The following PDE1C variants were observed in gnomAD, a reference collection of about 807,000 sequenced individuals.
PDE1C encodes the protein dual specificity calcium/calmodulin-dependent 3',5'-cyclic nucleotide phosphodiesterase 1C.
Under a neutral mutation model 93.1 loss-of-function variants are expected in PDE1C, and 62 were observed. The observed-to-expected ratio is 0.67, with a 90% CI of 0.54 to 0.82. The LOEUF (loss-of-function observed/expected upper bound fraction) is 0.82, where lower values mean the gene tolerates loss of function less well. Among genes scored for constraint, PDE1C ranks in the 40% least tolerant of loss-of-function variants. PDE1C has a pLI of 0.00. For missense variants in PDE1C, 742 were observed against 884.6 expected (o/e 0.84, Z 2.04); for synonymous variants, 325 against 310.1 (o/e 1.05, Z -0.50).
chr7:32,182,678 C>A (rs79941662), intron 2 of PDE1C, among the ~76,000 whole-genome samples: 4,052 of 152,222 alleles, frequency 0.027, 79 homozygotes, highest in Admixed American at 0.064. Flanking sequence ...CTATGATAAA[C>A]CCACAGGCAA....
intron 1 of PDE1C, among the ~76,000 whole-genome samples, chr7:32,236,612 G>A (rs1808101865): frequency 6.6e-6 from 1 of 152,138 alleles, no homozygotes; most frequent in South Asian, 2.1e-4. Flanking sequence ...ATACTACTCT[G>A]TATCTCAGGC....
Position 32,099,537 on chromosome 7 carries a change from G to A in PDE1C, c.308+70248C>T, listed in dbSNP as rs143786722. Among the ~76,000 whole-genome samples, 817 of 152,202 alleles carry A rather than the reference G, an allele frequency of 5.4e-3. 6 individuals are homozygous for A. The highest frequency in any genetic ancestry group is 0.019 in the African/African-American group (773 of 41,528). On this transcript the variant is annotated intron_variant, in intron 3 of 18. Coordinates refer to the PDE1C transcript ENST00000396193. ...GCCATCTTTTTCATGTTCTGTACAA[G>A]TCCTTGTACATTATACAGTTAGATA...
At chr7:32,158,282 T>C (rs1371048138) in intron 3 of PDE1C, among the ~76,000 whole-genome samples, 1 of 152,182 alleles carries the variant, frequency 6.6e-6, no homozygotes, top group African/African-American at 2.4e-5. Flanking sequence ...TTGAGCCTCG[T>C]TGCCCGAGCC....
intron 16 of PDE1C, chr7:31,789,652 A>G (rs1784367499): frequency 1.0e-6 from 1 of 978,618 alleles, no homozygotes; most frequent in African/African-American, 1.8e-5. Flanking sequence ...GAAGTGGGAA[A>G]AAAAGCATAA....
chr7:32,346,120 T>C (rs1035887917), intron 1 of PDE1C, among the ~76,000 whole-genome samples: 10 of 152,208 alleles, frequency 6.6e-5, no homozygotes, highest in Non-Finnish European at 4.4e-5. Flanking sequence ...ATGTCATACA[T>C]GAAATCAGGG....
intron 2 of PDE1C, among the ~76,000 whole-genome samples, chr7:32,016,713 G>C (rs535152725): frequency 2.6e-5 from 4 of 152,240 alleles, no homozygotes; most frequent in Non-Finnish European, 5.9e-5. Flanking sequence ...AGGAAGGAAA[G>C]TTAGTAATGA....
rs1365059219 is a variant in PDE1C, at chr7:31,752,436, G to T, written c.*948C>A. 1 of 152,106 alleles carries T rather than the reference G, an allele frequency of 6.6e-6. No individual in the cohort carries two copies. Among genetic ancestry groups the T allele is most frequent in the Non-Finnish European group, 1.5e-5 (1 of 68,000 alleles). 9.4% of individuals were successfully genotyped at this position (152,106 alleles called of 1,614,324 possible). ...GCGTGCTGTGAAGAGGATCTGAAAT[G>T]TAACTTAAAGGCATCTCTAGCCTAG... On this transcript the variant is annotated 3_prime_UTR_variant, in exon 18 of 18. Coordinates refer to ENST00000396191, the MANE Select transcript of PDE1C (RefSeq NM_001191057.4).
In PDE1C at chr7:31,811,243, G is replaced by A. The variant is rs778034219; in HGVS notation, c.1814-2135C>T. 5.9e-4 allele frequency among the ~76,000 whole-genome samples: 90 copies of A among 152,206 alleles called. 2 individuals carry two copies. Among genetic ancestry groups the A allele is most frequent in the Non-Finnish European group, 2.9e-4 (20 of 68,010 alleles). ...CTTTCTTGCCACCACCATGTAAGAT[G>A]TGCCTTTCACCTTCCACCATGATTG... On this transcript the variant is annotated intron_variant, in intron 15 of 17. Transcript: ENST00000396191.
intron 1 of PDE1C, among the ~76,000 whole-genome samples, chr7:32,278,452 G>C (rs949105067): frequency 6.6e-6 from 1 of 152,166 alleles, no homozygotes; most frequent in Non-Finnish European, 1.5e-5. Context: ...AAGACAAACT[G>C]CATAAGCAGA....
At chr7:32,240,362 G>A (rs1302652470) in intron 1 of PDE1C, among the ~76,000 whole-genome samples, 2 of 152,186 alleles carry the variant, frequency 1.3e-5, no homozygotes, top group African/African-American at 4.8e-5. Flanking sequence ...ATGTGCTAGG[G>A]ATTCAACAGT....
At chr7:31,651,898 A>G in the PDE1C span, 1 of 1,403,210 alleles carries the variant, frequency 7.1e-7, no homozygotes, top group Admixed American at 2.0e-5. Flanking sequence ...GCACCTGGGA[A>G]GGATTGTTAA....
the PDE1C span, among the ~76,000 whole-genome samples, chr7:31,646,941 A>G: frequency 6.6e-6 from 1 of 152,262 alleles, no homozygotes; most frequent in Non-Finnish European, 1.5e-5. Context: ...TGGATGCTAT[A>G]TAAGGTTTTA....
chr7:32,283,427 C>T (rs1380845564), intron 1 of PDE1C, among the ~76,000 whole-genome samples: 1 of 152,112 alleles, frequency 6.6e-6, no homozygotes, highest in Non-Finnish European at 1.5e-5. Flanking sequence ...TTTTTGTGTT[C>T]TCTTTGCCAA....
At chr7:32,050,308 G>T (rs1217062652) in intron 2 of PDE1C, among the ~76,000 whole-genome samples, 1 of 152,166 alleles carries the variant, frequency 6.6e-6, no homozygotes, top group Non-Finnish European at 1.5e-5. Flanking sequence ...TCCATGATCA[G>T]CTGGACCTTT....
the PDE1C span, among the ~76,000 whole-genome samples, chr7:31,693,628 C>A: frequency 6.6e-6 from 1 of 152,212 alleles, no homozygotes; most frequent in East Asian, 1.9e-4. Context: ...GGATGGTATT[C>A]ATATTTAACA....
At chr7:32,347,974 G>A (rs138400310) in intron 1 of PDE1C, among the ~76,000 whole-genome samples, 97 of 152,224 alleles carry the variant, frequency 6.4e-4, no homozygotes, top group African/African-American at 2.1e-3. Flanking sequence ...GAGAAAAACC[G>A]TACATTTAAC....
Position 32,049,818 on chromosome 7 carries a change from A to T in PDE1C, c.128+1736T>A, listed in dbSNP as rs557150683. 1.9e-3 allele frequency among the ~76,000 whole-genome samples: 289 copies of T among 152,278 alleles called. 8 individuals carry two copies. The highest frequency in any genetic ancestry group is 0.019 in the Admixed American group (285 of 15,292). On this transcript the variant is annotated intron_variant, in intron 2 of 17. Coordinates refer to ENST00000396191, the MANE Select transcript of PDE1C (RefSeq NM_001191057.4). ...GCTTGGTCAGCAAAAGGTCTAAGTA[A>T]CTTTATTTCCTAACTCTTCTCAATA...
chr7:31,731,590 A>G, the PDE1C span, among the ~76,000 whole-genome samples: 2 of 152,076 alleles, frequency 1.3e-5, no homozygotes, highest in African/African-American at 2.4e-5. Context: ...GAATTTCACC[A>G]TGTTGGTCAG....
chr7:32,224,380 A>G (rs1030563078), intron 1 of PDE1C, among the ~76,000 whole-genome samples: 1 of 152,172 alleles, frequency 6.6e-6, no homozygotes, highest in South Asian at 2.1e-4. Flanking sequence ...CAAAAAAAAA[A>G]AAGACTGCAG....
Sources: allele counts gnomAD v4.1 joint callset (sites outside exome capture counted in the v4.1 genomes callset), GRCh38; gene constraint gnomAD v4.1.1; transcripts MANE v1.5; gene names NCBI Gene and HGNC (gene_info 2026-07-23, HGNC 2026-07-21).